The following GK5 variants were observed in gnomAD, a reference collection of about 807,000 sequenced individuals.
The protein encoded by GK5 is glycerol kinase 5, also known as ATP:glycerol 3-phosphotransferase 5.
A neutral mutation model predicts 77.3 loss-of-function variants in GK5; 39 were observed. The ratio of observed to expected loss-of-function variants is 0.50; its 90% CI spans 0.39 to 0.66. The LOEUF (loss-of-function observed/expected upper bound fraction) is 0.66, where lower values mean the gene tolerates loss of function less well. GK5 is among the 30% of genes least tolerant of loss of function. GK5 has a pLI of 0.00. For synonymous variants in GK5, 211 were observed against 208.0 expected (o/e 1.01, Z -0.13); for missense variants, 487 against 633.8 (o/e 0.77, Z 2.49).
At chr3:142,182,818 G>A (rs2063715168) in intron 10 of GK5, 105 bp downstream of exon 10, 1 of 720,878 alleles carries the variant, frequency 1.4e-6, no homozygotes, top group Admixed American at 2.5e-5. Context: ...AATAAAATAT[G>A]TTAGAGAATA....
rs183881312 is a variant in GK5, at chr3:142,225,450, C to G, written c.6G>C (p.Ser2=). 6.2e-7 allele frequency: 1 copy of G among 1,602,636 alleles called. No homozygotes were observed. The highest frequency in any genetic ancestry group is 2.2e-5 in the East Asian group (1 of 44,554). Residue 2 remains serine, a synonymous_variant, in exon 1 of 16, where the codon TCG becomes TCC. Transcript: ENST00000392993. M[S]GLLTDPEQRA... ...TCTGCTCCGGGTCCGTGAGCAGCCC[C>G]GACATCCCGATCCCGCACGCCTCTC... is the stretch of plus-strand genomic sequence containing the variant.
intron 9 of GK5, among the ~76,000 whole-genome samples, chr3:142,183,774 T>G (rs1168306663): frequency 1.3e-5 from 2 of 151,664 alleles, no homozygotes; most frequent in Non-Finnish European, 2.9e-5. Context: ...CTTTAAAAAT[T>G]TTTTTGTAGA....
intron 15 of GK5, among the ~76,000 whole-genome samples, chr3:142,169,495 T>A (rs1210538704): frequency 2.6e-5 from 4 of 152,110 alleles, no homozygotes; most frequent in African/African-American, 9.7e-5. Flanking sequence ...CAATGTTTCC[T>A]CTTAGTAGTT....
At chr3:142,211,079 A>G (rs1428055614) in intron 3 of GK5, among the ~76,000 whole-genome samples, 1 of 152,102 alleles carries the variant, frequency 6.6e-6, no homozygotes, top group Non-Finnish European at 1.5e-5. Flanking sequence ...TCTCTACCAG[A>G]GAACACACCT....
intron 14 of GK5, 64 bp from the exon 15 acceptor site, chr3:142,170,522 C>T: frequency 1.5e-6 from 2 of 1,366,930 alleles, no homozygotes; most frequent in Non-Finnish European, 1.0e-6. Flanking sequence ...TTTCAGTGGG[C>T]CACATTTTTT....
chr3:142,210,365 T>A (rs2107794937), intron 3 of GK5, among the ~76,000 whole-genome samples: 1 of 152,244 alleles, frequency 6.6e-6, no homozygotes, highest in South Asian at 2.1e-4. Flanking sequence ...CTCTCACAAA[T>A]GAACAATTAG....
intron 3 of GK5, among the ~76,000 whole-genome samples, chr3:142,205,815 T>C (rs1206561558): frequency 6.6e-6 from 1 of 152,188 alleles, no homozygotes; most frequent in Admixed American, 6.5e-5. Context: ...TGGCAGTAAG[T>C]ACATTCACAA....
At chr3:142,186,965 G>C (rs1396023348) in intron 6 of GK5, among the ~76,000 whole-genome samples, 1 of 152,016 alleles carries the variant, frequency 6.6e-6, no homozygotes, top group African/African-American at 2.4e-5. Flanking sequence ...GTCTCCAAAA[G>C]CAATTTCCCA....
intron 12 of GK5, among the ~76,000 whole-genome samples, chr3:142,176,236 T>C (rs1314949392): frequency 6.6e-6 from 1 of 152,108 alleles, no homozygotes; most frequent in Non-Finnish European, 1.5e-5. Context: ...TTTTTAAAGA[T>C]TTAAAACACC....
chr3:142,211,695 G>A (rs1382867944), intron 3 of GK5, among the ~76,000 whole-genome samples: 1 of 152,186 alleles, frequency 6.6e-6, no homozygotes, highest in Non-Finnish European at 1.5e-5. Context: ...TTGGGAGGCT[G>A]ATGTGGGAGG....
Position 142,181,529 on chromosome 3 carries a change from TC to T in GK5, c.979del (p.Glu327LysfsTer5), listed in dbSNP as rs2063697314. 6.2e-7 allele frequency: 1 copy of T among 1,613,520 alleles called. No homozygotes were observed. Among genetic ancestry groups the T allele is most frequent in the Non-Finnish European group, 8.5e-7 (1 of 1,179,752 alleles). ...ATTGCTTTCAGCTAAGCATACGACT[TC>T]TTGCCCAATCTTCCACCCAATTAAT... ...YPLIGWKIGQ[E>X]VVCLAESNAG... On this transcript the variant is annotated frameshift_variant, in exon 11 of 16. Coordinates refer to ENST00000392993, the MANE Select transcript of GK5 (RefSeq NM_001039547.3). LOFTEE classifies it high-confidence loss of function.
intron 12 of GK5, among the ~76,000 whole-genome samples, chr3:142,173,826 C>T (rs1223468340): frequency 6.6e-6 from 1 of 152,210 alleles, no homozygotes; most frequent in East Asian, 1.9e-4. Context: ...ATTTCAAGGA[C>T]ATCCAGCGCT....
chr3:142,215,455 G>A (rs951581008), intron 2 of GK5, 144 bp downstream of exon 2: 11 of 486,844 alleles, frequency 2.3e-5, no homozygotes, highest in Middle Eastern at 5.7e-4. Context: ...ACAAATTTCC[G>A]TTGAAAAATA....
chr3:142,221,993 AC>A (rs1261383558), intron 1 of GK5, among the ~76,000 whole-genome samples: 1 of 152,202 alleles, frequency 6.6e-6, no homozygotes. Context: ...ATCAAATCAT[AC>A]ACTAAGAGGT....
In GK5 at chr3:142,225,559, G is replaced by A. The variant is rs2064419858; in HGVS notation, c.-104C>T. Reference sequence around the variant, plus strand: ...GCGGCCCAACCCGGGCCCCAACCCGGCTCAGCCGGAGAGCCTAGAGAGGCC... The same window carrying A: ...GCGGCCCAACCCGGGCCCCAACCCGACTCAGCCGGAGAGCCTAGAGAGGCC... On this transcript the variant is annotated 5_prime_UTR_variant, in exon 1 of 16. Coordinates refer to ENST00000392993, the MANE Select transcript of GK5 (RefSeq NM_001039547.3). 1 of 1,424,936 alleles carries A rather than the reference G, an allele frequency of 7.0e-7. No homozygotes were observed. The highest frequency in any genetic ancestry group is 1.5e-5 in the African/African-American group (1 of 67,312). 88.3% of individuals were successfully genotyped at this position (1,424,936 alleles called of 1,614,324 possible).
chr3:142,172,476 G>GAATAATAAT lies in GK5; in HGVS notation c.1144-21_1144-20insATTATTATT. The GAATAATAAT allele has an allele frequency of 1.6e-6, 2 of 1,288,330 alleles. No individual in the cohort carries two copies. Among genetic ancestry groups the GAATAATAAT allele is most frequent in the Non-Finnish European group, 2.2e-6 (2 of 899,104 alleles). The allele number at this position is 1,288,330 out of a possible 1,614,324, so 79.8% of individuals were successfully genotyped here. A position where few individuals can be genotyped will look rare whatever the true frequency, so the allele number is the denominator to read the frequency against. On this transcript the variant is annotated intron_variant, in intron 12 of 15. Coordinates refer to ENST00000392993, the MANE Select transcript of GK5 (RefSeq NM_001039547.3). ...TGGAGCCTACAGTAAGAGATAACAAGAATATATTATTATTATTCTAAATTA... is the reference window on the plus strand; with the variant it reads ...TGGAGCCTACAGTAAGAGATAACAAGAATAATAATAATATATTATTATTATTCTAAATTA...
intron 11 of GK5, among the ~76,000 whole-genome samples, chr3:142,180,070 A>G (rs996767422): frequency 4.6e-5 from 7 of 152,152 alleles, no homozygotes; most frequent in African/African-American, 1.7e-4. Context: ...TCATTCTCCC[A>G]GGCAATCCTA....
chr3:142,170,053 G>C (rs2108780178), intron 15 of GK5: 1 of 498,272 alleles, frequency 2.0e-6, no homozygotes, highest in Non-Finnish European at 3.7e-6. Context: ...CCCAGAGACT[G>C]TCTGTTGCTA....
At position 142,172,461 on chromosome 3, in the gene GK5, A is replaced by G; in HGVS notation, c.1144-5T>C. 3 of 1,479,116 alleles carry G rather than the reference A, an allele frequency of 2.0e-6. No homozygotes were observed. The highest frequency in any genetic ancestry group is 2.8e-6 in the Non-Finnish European group (3 of 1,066,016). The allele number at this position is 1,479,116 out of a possible 1,614,324, so 91.6% of individuals were successfully genotyped here. ...CCAGGGGTCATTTAATGGAGCCTAC[A>G]GTAAGAGATAACAAGAATATATTAT... On this transcript the variant is annotated splice_region_variant and splice_polypyrimidine_tract_variant and intron_variant, in intron 12 of 15. Coordinates refer to ENST00000392993, the MANE Select transcript of GK5 (RefSeq NM_001039547.3).
Sources: gnomAD v4.1 joint callset for allele counts (sites outside exome capture counted in the v4.1 genomes callset) on GRCh38, gnomAD v4.1.1 for gene constraint, MANE v1.5 for transcripts, NCBI Gene and HGNC (gene_info 2026-07-23, HGNC 2026-07-21) for gene names.